Variants in SYNE2 observed in about 807,000 individuals in gnomAD.
The protein encoded by SYNE2 is spectrin repeat containing nuclear envelope protein 2.
SYNE2 carries 431 observed loss-of-function variants against 856.3 expected under a neutral mutation model. That is an observed-to-expected ratio of 0.50 (90% CI 0.47 to 0.55). The LOEUF (loss-of-function observed/expected upper bound fraction) is 0.55. Ranked by LOEUF, SYNE2 falls within the 20% of genes least tolerant of loss-of-function variation. The pLI, the probability that SYNE2 is intolerant of heterozygous loss-of-function variation, is 0.00. For synonymous variants in SYNE2, 2,923 were observed against 2,872.3 expected, an observed-to-expected ratio of 1.02 and a Z score of -0.56; for missense variants, 8,129 against 8,023.2, an observed-to-expected ratio of 1.01 and a Z score of -0.50.
rs1397434266 is a variant in SYNE2, at chr14:64,090,879, A to G, written c.11807A>G (p.Asn3936Ser). Reference sequence around the variant, plus strand: ...TATATAATTAAGGTCATACTTGAAAATATACGTCCCATGAAGAAAACCATT... The same window carrying G: ...TATATAATTAAGGTCATACTTGAAAGTATACGTCCCATGAAGAAAACCATT... ...HLKHGEVILE[N>S]IRPMKKTIAE... is the part of the protein sequence containing the mutation. Residue 3936 changes from asparagine (N) to serine (S), a missense_variant, in exon 60 of 116, where the codon AAT (asparagine) becomes AGT (serine). By Grantham distance (46) the Asn-to-Ser change is conservative. Transcript: ENST00000555002. 2 of 1,613,950 alleles carry G rather than the reference A, an allele frequency of 1.2e-6. No individual in the cohort carries two copies. The highest frequency in any genetic ancestry group is 2.7e-5 in the African/African-American group (2 of 74,936).
At chr14:63,948,355 A>G (rs916948567) in intron 6 of SYNE2, among the ~76,000 whole-genome samples, 3 of 152,082 alleles carry the variant, frequency 2.0e-5, no homozygotes, top group Non-Finnish European at 4.4e-5. Flanking sequence ...CATTTGACCC[A>G]TGGGCCATAT....
Position 64,208,801 on chromosome 14 carries a change from C to A in SYNE2, c.18245C>A (p.Ser6082Tyr). The part of the protein sequence containing the change: ...DIEQHSAGVE[S>Y]VFNICDVLLH... Reference sequence around the variant, plus strand: ...GAACAACACAGCGCAGGGGTGGAGTCCGTGTTTAACATCTGTGACGTCCTA... The same window carrying A: ...GAACAACACAGCGCAGGGGTGGAGTACGTGTTTAACATCTGTGACGTCCTA... Residue 6082 changes from serine to tyrosine, a missense_variant, in exon 101 of 116, where the codon TCC (serine) becomes TAC (tyrosine). Ser to Tyr is a moderately radical substitution (Grantham distance 144). Transcript: ENST00000555002. The A allele has an allele frequency of 6.2e-7, 1 of 1,614,204 alleles. No homozygotes were observed. Among genetic ancestry groups the A allele is most frequent in the Non-Finnish European group, 8.5e-7 (1 of 1,180,038 alleles).
Position 64,170,310 on chromosome 14 carries a change from G to C in SYNE2, c.17083G>C (p.Val5695Leu). ...GGGTGTTCGGCAGAGGAAGGGTGAC[G>C]TTGATGGGCTGGTGAGGCAGTGGCA... ...VQGVRQRKGD[V>L]DGLVRQWQDF... Residue 5695 changes from valine (V) to leucine (L), a missense_variant, in exon 94 of 116, where the codon GTT (valine) becomes CTT (leucine). Physicochemically the swap from Val to Leu is conservative, Grantham distance 32 (BLOSUM62 1). Around this residue, in one of 3 missense-constraint regions of SYNE2, gnomAD observed 5,410 missense variants for 5,284.8 expected, o/e 1.02. Transcript: ENST00000555002. 1 of 1,614,174 alleles carries C rather than the reference G, an allele frequency of 6.2e-7. No individual in the cohort carries two copies. Among genetic ancestry groups the C allele is most frequent in the Non-Finnish European group, 8.5e-7 (1 of 1,180,038 alleles).
At chr14:63,800,564 A>G (rs1025426209) in intron 1 of SYNE2, among the ~76,000 whole-genome samples, 2 of 152,218 alleles carry the variant, frequency 1.3e-5, no homozygotes, top group Admixed American at 6.5e-5. Context: ...TGCTGGGATT[A>G]TAGGCATGAG....
chr14:63,986,794 C>A (rs541321102), intron 19 of SYNE2, among the ~76,000 whole-genome samples, 177 bp downstream of exon 19: 4 of 152,180 alleles, frequency 2.6e-5, no homozygotes, highest in African/African-American at 9.6e-5. Flanking sequence ...TGCTTGAAAG[C>A]AGAGGATAGA....
rs1458293436 is a variant in SYNE2, at chr14:64,002,036, G to A, written c.3741G>A (p.Gln1247=). The A allele has an allele frequency of 6.2e-7, 1 of 1,613,638 alleles. No individual in the cohort carries two copies. Among genetic ancestry groups the A allele is most frequent in the Non-Finnish European group, 8.5e-7 (1 of 1,179,624 alleles). Residue 1247 remains glutamine, a synonymous_variant, in exon 29 of 116, where the codon CAG becomes CAA. Transcript: ENST00000555002. ...TGCCTCTCCATAAAATGGCCATCCA[G>A]GGATTTCATCTCATTGATGCTGATC... ...SDLPLHKMAI[Q]GFHLIDADRI... is the part of the protein sequence containing the mutation.
intron 45 of SYNE2, among the ~76,000 whole-genome samples, chr14:64,037,861 T>A (rs1478978062): frequency 1.4e-5 from 2 of 146,598 alleles, no homozygotes; most frequent in Non-Finnish European, 3.0e-5. Flanking sequence ...CCCACCTCCC[T>A]CCCGGACGGG....
At chr14:63,825,667 A>G (rs900972854) in intron 1 of SYNE2, among the ~76,000 whole-genome samples, 15 of 152,270 alleles carry the variant, frequency 9.9e-5, no homozygotes, top group Admixed American at 5.2e-4. Flanking sequence ...TGAGGTCAGG[A>G]GTTCGAAACC....
At position 63,941,925 on chromosome 14, in the gene SYNE2, A is replaced by G; in HGVS notation, c.278A>G (p.Asn93Ser). 1 of 1,613,314 alleles carries G rather than the reference A, an allele frequency of 6.2e-7. No individual in the cohort carries two copies. The highest frequency in any genetic ancestry group is 8.5e-7 in the Non-Finnish European group (1 of 1,179,970). ...KGSNTFQCRINIEHALTFLRN... is the reference protein window; with the variant it reads ...KGSNTFQCRISIEHALTFLRN... ...TCTAATACCTTCCAGTGTAGAATCA[A>G]TATAGAACATGCCTTGACATTCCTA... Residue 93 changes from asparagine to serine, a missense_variant, in exon 5 of 116, where the codon AAT (asparagine) becomes AGT (serine). Physicochemically the swap from Asn to Ser is conservative, Grantham distance 46 (BLOSUM62 1). Coordinates refer to ENST00000555002, the MANE Select transcript of SYNE2 (RefSeq NM_182914.3).
chr14:63,895,775 C>CAAAAAAAAAAAAAAAAAAAAA (rs10544076), intron 1 of SYNE2, among the ~76,000 whole-genome samples: 1 of 92,622 alleles, frequency 1.1e-5, no homozygotes, highest in Non-Finnish European at 2.0e-5. Context: ...TCCAAATCTC[C>CAAAAAAAAAAAAAAAAAAAAA]AAAAAAAAAA....
chr14:64,035,128 TC>T (rs2097076557), intron 45 of SYNE2, among the ~76,000 whole-genome samples: 1 of 151,958 alleles, frequency 6.6e-6, no homozygotes, highest in South Asian at 2.1e-4. Flanking sequence ...TTGATTTTGT[TC>T]TTTTCAGAAG....
In SYNE2 at chr14:63,979,025, C is replaced by A; in HGVS notation, c.1569+11C>A. 3 of 1,612,984 alleles carry A rather than the reference C, an allele frequency of 1.9e-6. No homozygotes were observed. In the South Asian group the frequency reaches 3.3e-5, roughly 18 times the overall value. On this transcript the variant is annotated intron_variant, in intron 14 of 115. Coordinates refer to ENST00000555002, the MANE Select transcript of SYNE2 (RefSeq NM_182914.3). The stretch of plus-strand genomic sequence containing the variant: ...CTGGAAGACTGGCATGTAAGCTTTT[C>A]AATTTTGTGTCTTAGGCAACTCCTC...
chr14:64,020,119 A>C (rs2096925520), intron 35 of SYNE2, 26 bp downstream of exon 35: 1 of 1,482,022 alleles, frequency 6.7e-7, no homozygotes, highest in Admixed American at 1.7e-5. Flanking sequence ...TAAAAGTTTC[A>C]GTTATTGAGG....
At position 64,020,085 on chromosome 14, in the gene SYNE2, GAATTGCAGGTAAGAATTTTTATTT is replaced by G; in HGVS notation, c.5146_5151+18del. On this transcript the variant is annotated splice_donor_variant and splice_donor_5th_base_variant and coding_sequence_variant and intron_variant, in exon 35 of 116. Coordinates refer to ENST00000555002, the MANE Select transcript of SYNE2 (RefSeq NM_182914.3). LOFTEE classifies it high-confidence loss of function. ...GCTCCAAAGCAGTGAAATACCTCTT[GAATTGCAGGTAAGAATTTTTATTT>G]AAAAGTTTCAGTTATTGAGGCTTCA... 6.2e-7 allele frequency: 1 copy of G among 1,607,108 alleles called. No individual in the cohort carries two copies. The highest frequency in any genetic ancestry group is 8.5e-7 in the Non-Finnish European group (1 of 1,174,632).
chr14:63,974,576 T>G (rs1053232148), intron 11 of SYNE2, among the ~76,000 whole-genome samples: 1 of 151,822 alleles, frequency 6.6e-6, no homozygotes. Flanking sequence ...TTCTTTTTTT[T>G]GAGATGGAGT....
chr14:64,047,170 C>G (rs1299511612), intron 45 of SYNE2, among the ~76,000 whole-genome samples: 1 of 152,118 alleles, frequency 6.6e-6, no homozygotes, highest in Non-Finnish European at 1.5e-5. Flanking sequence ...GAAAATGGCT[C>G]TCAGTGGAGA....
chr14:63,864,438 C>A (rs1198657046), intron 1 of SYNE2: 1 of 152,174 alleles, frequency 6.6e-6, no homozygotes, highest in Non-Finnish European at 1.5e-5. Context: ...TACAAAGACT[C>A]TCTGTTGGTG....
At chr14:64,029,760 G>T in intron 43 of SYNE2, 135 bp from the exon 44 acceptor site, 1 of 1,086,156 alleles carries the variant, frequency 9.2e-7, no homozygotes. Context: ...AAAATCTTTA[G>T]AACTCTAATT....
In SYNE2 at chr14:64,219,321, A is replaced by G; in HGVS notation, c.19771A>G (p.Lys6591Glu). 1 of 1,614,098 alleles carries G rather than the reference A, an allele frequency of 6.2e-7. No individual in the cohort carries two copies. Among genetic ancestry groups the G allele is most frequent in the Non-Finnish European group, 8.5e-7 (1 of 1,180,022 alleles). ...SDISAITTWL[K>E]KTEAELEMLK... is the part of the protein sequence containing the mutation. ...TATCAGCGCCATCACTACTTGGCTG[A>G]AAAAAACTGAAGCAGAGCTGGAAAT... is the stretch of plus-strand genomic sequence containing the variant. The change falls in exon 110 of 116, where the codon AAA becomes GAA. Residue 6591 changes from lysine (K) to glutamate (E), a missense_variant. By Grantham distance (56) the Lys-to-Glu change is moderately conservative (BLOSUM62 1). This residue lies in a region of SYNE2 where 5,410 missense variants were observed against 5,284.8 expected (regional missense o/e 1.02). Transcript: ENST00000555002.
Sources: allele counts gnomAD v4.1 joint callset (sites outside exome capture counted in the v4.1 genomes callset), GRCh38; gene constraint gnomAD v4.1.1; regional missense constraint gnomAD v4.1.1; transcripts MANE v1.5; gene names NCBI Gene and HGNC (gene_info 2026-07-23, HGNC 2026-07-21).